Variants in DCAF5 observed in about 807,000 individuals in gnomAD.
The protein encoded by DCAF5 is DDB1 and CUL4 associated factor 5, also known as DDB1- and CUL4-associated factor 5.
A neutral mutation model predicts 80.7 loss-of-function variants in DCAF5; 9 were observed. That is an observed-to-expected ratio of 0.11 (90% confidence interval 0.07 to 0.19). The LOEUF is 0.19. Among genes scored for constraint, DCAF5 ranks in the 10% least tolerant of loss-of-function variants. The pLI is 1.00. For synonymous variants in DCAF5, 433 were observed against 461.9 expected (o/e 0.94, Z 0.80); for missense variants, 842 against 1,205.7 (o/e 0.70, Z 4.47).
intron 6 of DCAF5, among the ~76,000 whole-genome samples, chr14:69,087,266 C>T (rs186617697): frequency 6.6e-6 from 1 of 152,130 alleles, no homozygotes; most frequent in Non-Finnish European, 1.5e-5. Context: ...GAGACTCGCT[C>T]ACTGAGTATG....
At chr14:69,066,971 G>T (rs192856456) in intron 7 of DCAF5, among the ~76,000 whole-genome samples, 7 of 152,310 alleles carry the variant, frequency 4.6e-5, no homozygotes, top group Admixed American at 1.3e-4. Context: ...TGGTCTAATA[G>T]CAATTTATCA....
At chr14:69,150,519 C>T (rs1279630742) in intron 1 of DCAF5, among the ~76,000 whole-genome samples, 5 of 152,104 alleles carry the variant, frequency 3.3e-5, no homozygotes, top group East Asian at 1.9e-4. Flanking sequence ...AAGAACATTT[C>T]GTGCTTTTAA....
chr14:69,107,061 A>ATAT, intron 5 of DCAF5, among the ~76,000 whole-genome samples: 1 of 123,584 alleles, frequency 8.1e-6, no homozygotes, highest in Non-Finnish European at 1.7e-5. Flanking sequence ...ATAAATAATT[A>ATAT]AATAATTAAA....
intron 7 of DCAF5, among the ~76,000 whole-genome samples, chr14:69,067,984 G>A (rs1461505020): frequency 6.6e-6 from 1 of 152,186 alleles, no homozygotes; most frequent in African/African-American, 2.4e-5. Context: ...AGCAGGAGCA[G>A]AGAAATAAAG....
chr14:69,125,446 T>A (rs1203858743), intron 1 of DCAF5, among the ~76,000 whole-genome samples: 1 of 152,146 alleles, frequency 6.6e-6, no homozygotes, highest in Admixed American at 6.6e-5. Context: ...AAATAATTCT[T>A]AAAACTCCAA....
intron 5 of DCAF5, among the ~76,000 whole-genome samples, chr14:69,106,006 C>T (rs1037062886): frequency 1.4e-5 from 2 of 141,334 alleles, no homozygotes; most frequent in Non-Finnish European, 3.1e-5. Flanking sequence ...GTGAAATACC[C>T]AGAATAGGTA....
At chr14:69,141,210 A>C (rs1398838887) in intron 1 of DCAF5, among the ~76,000 whole-genome samples, 1 of 151,418 alleles carries the variant, frequency 6.6e-6, no homozygotes, top group Non-Finnish European at 1.5e-5. Flanking sequence ...TGGATGCTTA[A>C]AGGCTTTTCT....
chr14:69,125,904 TA>T (rs1218450714), intron 1 of DCAF5, among the ~76,000 whole-genome samples: 2 of 152,110 alleles, frequency 1.3e-5, no homozygotes, highest in African/African-American at 4.8e-5. Context: ...ACACACATAG[TA>T]AAAGAGGCTT....
intron 2 of DCAF5, 102 bp downstream of exon 2, chr14:69,122,115 G>T: frequency 7.2e-7 from 1 of 1,391,166 alleles, no homozygotes; most frequent in Non-Finnish European, 1.0e-6. Flanking sequence ...TAATTCCACA[G>T]CTCAATGAAA....
At position 69,082,314 on chromosome 14, in the gene DCAF5, C is replaced by T. The variant is rs141763102; in HGVS notation, c.880-6903G>A. On this transcript the variant is annotated intron_variant, in intron 6 of 8. Coordinates refer to ENST00000341516, the MANE Select transcript of DCAF5 (RefSeq NM_003861.3). Reference sequence around the variant, plus strand: ...GCCTCCCAATAAAAGCATACAAATACGCATACCCATAAGATTAACACTATT... The same window carrying T: ...GCCTCCCAATAAAAGCATACAAATATGCATACCCATAAGATTAACACTATT... 1.4e-3 allele frequency among the ~76,000 whole-genome samples: 213 copies of T among 152,292 alleles called. 1 individual carries two copies. The highest frequency in any genetic ancestry group is 4.7e-3 in the African/African-American group (196 of 41,562).
chr14:69,125,955 A>T (rs2040859971), intron 1 of DCAF5, among the ~76,000 whole-genome samples: 1 of 152,148 alleles, frequency 6.6e-6, no homozygotes, highest in Non-Finnish European at 1.5e-5. Flanking sequence ...AAAAATACAG[A>T]AGTGATTTTA....
intron 1 of DCAF5, among the ~76,000 whole-genome samples, chr14:69,147,320 CT>C (rs761395258): frequency 5.9e-5 from 9 of 152,196 alleles, no homozygotes; most frequent in African/African-American, 1.9e-4. Context: ...AGGTATCAAT[CT>C]CCTGAAAGCC....
chr14:69,092,790 C>A (rs1171832413), intron 5 of DCAF5, among the ~76,000 whole-genome samples: 3 of 152,098 alleles, frequency 2.0e-5, no homozygotes, highest in African/African-American at 7.2e-5. Flanking sequence ...AGCAGTGCAA[C>A]AATTAGAAAA....
At chr14:69,141,528 A>AGT (rs1435188258) in intron 1 of DCAF5, among the ~76,000 whole-genome samples, 1 of 152,084 alleles carries the variant, frequency 6.6e-6, no homozygotes. Context: ...AACAGGCCCC[A>AGT]GTGTGTGATG....
At chr14:69,056,704 G>C (rs1315977387) in intron 8 of DCAF5, among the ~76,000 whole-genome samples, 1 of 152,118 alleles carries the variant, frequency 6.6e-6, no homozygotes, top group Non-Finnish European at 1.5e-5. Flanking sequence ...TCTAGACCAA[G>C]ACTTCGTTTC....
chr14:69,153,129 C>G (rs938348456), upstream of DCAF5: 21 of 541,120 alleles, frequency 3.9e-5, no homozygotes, highest in African/African-American at 4.0e-4. Flanking sequence ...TGCAGACACT[C>G]GGCGGCGTTC....
intron 5 of DCAF5, among the ~76,000 whole-genome samples, chr14:69,098,663 C>T (rs1313166120): frequency 6.8e-6 from 1 of 146,956 alleles, no homozygotes; most frequent in Non-Finnish European, 1.5e-5. Context: ...ACAGGCGGAT[C>T]ACGAGGTCAG....
chr14:69,072,962 T>C (rs904791905), intron 7 of DCAF5, among the ~76,000 whole-genome samples: 1 of 152,204 alleles, frequency 6.6e-6, no homozygotes, highest in African/African-American at 2.4e-5. Context: ...ATGTGGAAAG[T>C]ATTAACAGAT....
chr14:69,074,743 C>A (rs962669213), intron 7 of DCAF5, among the ~76,000 whole-genome samples: 6 of 151,898 alleles, frequency 4.0e-5, no homozygotes, highest in Admixed American at 2.6e-4. Flanking sequence ...CAAAAATATT[C>A]CAGGTGTGGG....
Sources: gnomAD v4.1 joint callset for allele counts (sites outside exome capture counted in the v4.1 genomes callset) on GRCh38, gnomAD v4.1.1 for gene constraint, MANE v1.5 for transcripts, NCBI Gene and HGNC (gene_info 2026-07-23, HGNC 2026-07-21) for gene names.